MYH14: variants seen among roughly 807,000 people sequenced by gnomAD.
MYH14 encodes myosin heavy chain 14.
MYH14 carries 123 observed loss-of-function variants against 255.5 expected under a neutral mutation model. The ratio of observed to expected loss-of-function variants is 0.48; its 90% CI spans 0.42 to 0.56. The LOEUF is 0.56. Ranked by LOEUF, MYH14 falls within the 20% of genes least tolerant of loss-of-function variation. The pLI is 0.00. For synonymous variants in MYH14, 1,095 were observed against 1,161.2 expected (o/e 0.94, Z 1.16); for missense variants, 2,423 against 2,802.3 (o/e 0.86, Z 3.06).
At chr19:50,257,999 G>T (rs534740921) in intron 18 of MYH14, among the ~76,000 whole-genome samples, 2 of 152,178 alleles carry the variant, frequency 1.3e-5, no homozygotes, top group Non-Finnish European at 2.9e-5. Context: ...AAGGCCATCA[G>T]GGCTGGGCTT....
chr19:50,245,505 C>A (rs1568493115), intron 11 of MYH14, among the ~76,000 whole-genome samples: 1 of 151,740 alleles, frequency 6.6e-6, no homozygotes, highest in Non-Finnish European at 1.5e-5. Flanking sequence ...TAATCATATT[C>A]CCAGAGATAA....
At chr19:50,284,092 CAAA>C (rs58340482) in intron 33 of MYH14, among the ~76,000 whole-genome samples, 1 of 143,652 alleles carries the variant, frequency 7.0e-6, no homozygotes, top group East Asian at 2.1e-4. Context: ...AAACAAAAAA[CAAA>C]AAAAAAACAA....
chr19:50,230,524 G>T lies in MYH14; in HGVS notation c.875-1G>T. 6.4e-7 allele frequency: 1 copy of T among 1,559,844 alleles called. No homozygotes were observed. The highest frequency in any genetic ancestry group is 8.7e-7 in the Non-Finnish European group (1 of 1,152,310). On this transcript the variant is annotated splice_acceptor_variant, in intron 8 of 42. Coordinates refer to ENST00000642316, the MANE Select transcript of MYH14 (RefSeq NM_001145809.2). LOFTEE classifies it high-confidence loss of function. This position sits in a 1 kb window ranked among gnomAD's most constrained non-coding sequence, Gnocchi z 4.7. The stretch of plus-strand genomic sequence containing the variant: ...CTAGCACCTTGACTCGCTGTGTCCA[G>T]ACCTGCTGGAGAAGTCGCGGGCCAT...
At chr19:50,241,021 G>A (rs2033871288) in intron 10 of MYH14, among the ~76,000 whole-genome samples, 1 of 152,144 alleles carries the variant, frequency 6.6e-6, no homozygotes, top group Non-Finnish European at 1.5e-5. Flanking sequence ...ACAGGTTGTG[G>A]TATGGAGGAA....
At chr19:50,253,051 A>G (rs927591518) in intron 16 of MYH14, among the ~76,000 whole-genome samples, 2 of 152,198 alleles carry the variant, frequency 1.3e-5, no homozygotes, top group African/African-American at 4.8e-5. Context: ...TCGTTTTTTT[A>G]GCAATACTAG....
chr19:50,272,513 T>G (rs1425936436), intron 26 of MYH14, 47 bp from the exon 27 acceptor site: 1 of 1,546,738 alleles, frequency 6.5e-7, no homozygotes, highest in Non-Finnish European at 8.7e-7. Context: ...AGCGGCTGAG[T>G]GTGCAGGCCT....
In MYH14 at chr19:50,264,863, G is replaced by A. The variant is rs193242186; in HGVS notation, c.2694+1443G>A. ...AAAGCAGAGGGTGCCAAGCCAGGTC[G>A]CCATGCACCATGGAGCTCAGGGACT... On this transcript the variant is annotated intron_variant, in intron 22 of 42. Transcript: ENST00000642316. 1.9e-3 allele frequency among the ~76,000 whole-genome samples: 285 copies of A among 152,302 alleles called. 1 individual carries two copies. The highest frequency in any genetic ancestry group is 2.8e-3 in the Non-Finnish European group (193 of 68,030).
chr19:50,278,325 G>T, intron 30 of MYH14, 36 bp downstream of exon 30: 1 of 1,431,926 alleles, frequency 7.0e-7, no homozygotes, highest in Non-Finnish European at 9.4e-7. Context: ...TTTCTGCTGT[G>T]TGACCTTGGT....
At position 50,309,767 on chromosome 19, in the gene MYH14, T is replaced by TCCC; in HGVS notation, c.6090_6092dup (p.Pro2032dup). ...TGGGCCATCCCCGGAGCCTGAGGGG[T>TCCC]CCCCACCAGCCCACCCCCAGTGACC... On this transcript the variant is annotated inframe_insertion, in exon 43 of 43. Coordinates refer to ENST00000642316, the MANE Select transcript of MYH14 (RefSeq NM_001145809.2). 1 of 1,570,922 alleles carries TCCC rather than the reference T, an allele frequency of 6.4e-7. No homozygotes were observed. The highest frequency in any genetic ancestry group is 1.4e-5 in the African/African-American group (1 of 73,626).
intron 11 of MYH14, among the ~76,000 whole-genome samples, chr19:50,246,791 C>T (rs1409447295): frequency 6.6e-6 from 1 of 152,178 alleles, no homozygotes; most frequent in East Asian, 1.9e-4. Flanking sequence ...GGTCTTTGCT[C>T]ACATGCAGGG....
In MYH14 at chr19:50,295,578, C is replaced by T. The variant is rs118157324; in HGVS notation, c.5469+1891C>T. On this transcript the variant is annotated intron_variant, in intron 39 of 42. Coordinates refer to ENST00000642316, the MANE Select transcript of MYH14 (RefSeq NM_001145809.2). ...AGCACTTTTGGTGGATTGCTTTTAG[C>T]GTAGGAGCTCCAGACCAGCTTGGAT... 4.7e-3 allele frequency among the ~76,000 whole-genome samples: 719 copies of T among 152,020 alleles called. 35 individuals are homozygous for T. The East Asian group carries it at 0.071, about 15-fold the overall frequency.
At position 50,212,741 on chromosome 19, in the gene MYH14, G is replaced by A. The variant is rs1011714343; in HGVS notation, c.405+1971G>A. On this transcript the variant is annotated intron_variant, in intron 2 of 42. Transcript: ENST00000642316. Reference sequence around the variant, plus strand: ...TGGCTGGCTCAGGGTCCCTCAGCTTGTGGTGGCAGGTGTGGAATTTGAATC... The same window carrying A: ...TGGCTGGCTCAGGGTCCCTCAGCTTATGGTGGCAGGTGTGGAATTTGAATC... 3.3e-5 allele frequency among the ~76,000 whole-genome samples: 5 copies of A among 152,184 alleles called. No homozygotes were observed. The East Asian group carries it at 9.6e-4, about 29-fold the overall frequency.
rs749770228 is a variant in MYH14 at position 50,307,090 on chromosome 19, A to C, written c.5720A>C (p.Lys1907Thr). ...LSGKLVRRAE[K>T]RLKEVVLQVE... The stretch of plus-strand genomic sequence containing the variant: ...GGAAAGCTGGTGCGCAGAGCTGAGA[A>C]GCGGCTTAAAGAGGTGGTGCTCCAG... Residue 1907 changes from lysine to threonine, a missense_variant, in exon 41 of 43, where the codon AAG becomes ACG. This residue lies in a region of MYH14 where 1,513 missense variants were observed against 1,674.8 expected (regional missense o/e 0.90). Transcript: ENST00000642316. The C allele has an allele frequency of 1.9e-6, 3 of 1,551,070 alleles. No individual in the cohort carries two copies. In the South Asian group the frequency reaches 3.6e-5, roughly 18 times the overall value.
chr19:50,281,956 T>A, intron 33 of MYH14, 114 bp downstream of exon 33: 1 of 1,168,078 alleles, frequency 8.6e-7, no homozygotes, highest in Non-Finnish European at 1.2e-6. Flanking sequence ...GCAGTTGTAG[T>A]GGACCAGGAA....
Position 50,309,641 on chromosome 19 carries a change from CG to C in MYH14, c.5963del (p.Arg1988ProfsTer17). The C allele has an allele frequency of 6.3e-7, 1 of 1,595,856 alleles. No individual in the cohort carries two copies. The highest frequency in any genetic ancestry group is 8.5e-7 in the Non-Finnish European group (1 of 1,169,916). ...EVTTLRNRLRRGPLTFTTRTV... is the reference protein window; with the variant it reads ...EVTTLRNRLRXGPLTFTTRTV... ...TATCCTGGTCTCTCCTCCCCACAGA[CG>C]CGGCCCCCTCACCTTCACCACCCGC... On this transcript the variant is annotated frameshift_variant and splice_region_variant, in exon 43 of 43. Coordinates refer to ENST00000642316, the MANE Select transcript of MYH14 (RefSeq NM_001145809.2). LOFTEE classifies it low-confidence loss of function (END_TRUNC).
intron 5 of MYH14, 32 bp from the exon 6 acceptor site, chr19:50,224,122 G>T: frequency 6.2e-7 from 1 of 1,605,782 alleles, no homozygotes; most frequent in Non-Finnish European, 8.5e-7. Context: ...GCTGTGTCCT[G>T]GTCCGTGTCT....
chr19:50,250,748 C>A lies in MYH14; in HGVS notation c.1830+60C>A. 1 of 1,533,360 alleles carries A rather than the reference C, an allele frequency of 6.5e-7. No homozygotes were observed. Among genetic ancestry groups the A allele is most frequent in the Non-Finnish European group, 8.9e-7 (1 of 1,123,302 alleles). 95.0% of individuals were successfully genotyped at this position (1,533,360 alleles called of 1,614,324 possible). A position where few individuals can be genotyped will look rare whatever the true frequency, so the allele number is the denominator to read the frequency against. Reference sequence around the variant, plus strand: ...GTGGGGATCAAGGGATCTCCACTGGCTACAGATGGGGGGAGGGTGCAGAGG... The same window carrying A: ...GTGGGGATCAAGGGATCTCCACTGGATACAGATGGGGGGAGGGTGCAGAGG... On this transcript the variant is annotated intron_variant, in intron 15 of 42. Transcript: ENST00000642316. This position sits in a 1 kb window ranked among gnomAD's most constrained non-coding sequence, Gnocchi z 5.4.
At chr19:50,257,678 A>G (rs987199248) in intron 18 of MYH14, among the ~76,000 whole-genome samples, 192 bp downstream of exon 18, 2 of 152,202 alleles carry the variant, frequency 1.3e-5, no homozygotes. Flanking sequence ...TAATGTATTA[A>G]GCATCTACTG....
rs553162373 is a variant in MYH14 at position 50,280,313 on chromosome 19, G to C, written c.4220G>C (p.Arg1407Pro). 1.9e-6 allele frequency: 3 copies of C among 1,550,618 alleles called. No homozygotes were observed. The highest frequency in any genetic ancestry group is 2.6e-6 in the Non-Finnish European group (3 of 1,146,820). Residue 1407 changes from arginine (R) to proline (P), a missense_variant, in exon 32 of 43, where the codon CGT becomes CCT. Coordinates refer to ENST00000642316, the MANE Select transcript of MYH14 (RefSeq NM_001145809.2). This position sits in a 1 kb window ranked among gnomAD's most constrained non-coding sequence, Gnocchi z 4.8. ...ATGGAGGCTGAGGCAGCCGGGCTGCGTGAGCAGCTGGAGGAGGAGGCAGCT... is the reference window on the plus strand; with the variant it reads ...ATGGAGGCTGAGGCAGCCGGGCTGCCTGAGCAGCTGGAGGAGGAGGCAGCT... The part of the protein sequence containing the change: ...RAMEAEAAGL[R>P]EQLEEEAAAR...
Sources: allele counts gnomAD v4.1 joint callset (sites outside exome capture counted in the v4.1 genomes callset), GRCh38; gene constraint gnomAD v4.1.1; regional missense constraint gnomAD v4.1.1; non-coding constraint Gnocchi (gnomAD v3.1); transcripts MANE v1.5; gene names NCBI Gene and HGNC (gene_info 2026-07-23, HGNC 2026-07-21).